The following SNTG1 variants were observed in gnomAD, a reference collection of about 807,000 sequenced individuals.
SNTG1 encodes the protein gamma-1-syntrophin.
Under a neutral mutation model 74.7 loss-of-function variants are expected in SNTG1, and 39 were observed. The observed-to-expected ratio is 0.52, with a 90% CI of 0.40 to 0.68. The LOEUF (loss-of-function observed/expected upper bound fraction) is 0.68. Among genes scored for constraint, SNTG1 ranks in the 30% least tolerant of loss-of-function variants. The pLI is 0.00. For synonymous variants in SNTG1, 254 were observed against 217.1 expected (o/e 1.17, Z -1.49); for missense variants, 685 against 609.5 (o/e 1.12, Z -1.30).
At position 50,619,910 on chromosome 8, in the gene SNTG1, GA is replaced by G. The variant is rs779432001; in HGVS notation, c.849+29008del. Among the ~76,000 whole-genome samples the G allele has an allele frequency of 4.7e-3, 476 of 102,134 alleles. 2 individuals are homozygous for G. The highest frequency in any genetic ancestry group is 0.011 in the African/African-American group (315 of 28,582). The allele number at this position is 102,134 out of a possible 152,430, so 67.0% of individuals were successfully genotyped here. A position where few individuals can be genotyped will look rare whatever the true frequency, so the allele number is the denominator to read the frequency against. ...AGCCTCTCTTCCAGGCATGTCTGCA[GA>G]AAAAAAAAAAAAAAGCAAGCATGAT... On this transcript the variant is annotated intron_variant, in intron 13 of 18. Transcript: ENST00000642720.
chr8:50,370,566 T>G (rs1217607069), intron 2 of SNTG1, among the ~76,000 whole-genome samples: 1 of 149,434 alleles, frequency 6.7e-6, no homozygotes, highest in Non-Finnish European at 1.5e-5. Context: ...CCTGCAATGA[T>G]AGTAGTCTCC....
At chr8:49,916,901 T>C (rs1585488241) in intron 1 of SNTG1, among the ~76,000 whole-genome samples, 1 of 151,980 alleles carries the variant, frequency 6.6e-6, no homozygotes, top group Non-Finnish European at 1.5e-5. Context: ...TGAATGTGCC[T>C]GTAGTCTCAG....
intron 1 of SNTG1, among the ~76,000 whole-genome samples, chr8:50,131,889 A>T (rs2081331065): frequency 6.6e-6 from 1 of 152,060 alleles, no homozygotes; most frequent in Admixed American, 6.6e-5. Context: ...CCATTCAAAC[A>T]TATGAGATGA....
In SNTG1 at chr8:50,295,993, G is replaced by T. The variant is rs570229162; in HGVS notation, c.-27-98219G>T. Among the ~76,000 whole-genome samples, 3 of 152,282 alleles carry T rather than the reference G, an allele frequency of 2.0e-5. No individual in the cohort carries two copies. In the East Asian group the frequency reaches 5.8e-4, roughly 29 times the overall value. ...GAGTGTGTGCATAGCTCATTAATGT[G>T]ATGCTAGGCTGGGACTCTATGTTAA... On this transcript the variant is annotated intron_variant, in intron 2 of 18. Transcript: ENST00000642720.
chr8:50,037,015 T>G (rs1026048143), intron 1 of SNTG1, among the ~76,000 whole-genome samples: 2 of 152,222 alleles, frequency 1.3e-5, no homozygotes, highest in Admixed American at 6.5e-5. Context: ...TATTTAATGC[T>G]TCTTCATTTA....
intron 1 of SNTG1, among the ~76,000 whole-genome samples, chr8:50,020,208 C>G (rs1205306951): frequency 2.0e-5 from 3 of 152,126 alleles, no homozygotes; most frequent in Non-Finnish European, 2.9e-5. Flanking sequence ...TCTTCCCCTC[C>G]TCCTCTTTTA....
At chr8:50,170,640 C>T (rs12542067) in intron 1 of SNTG1, among the ~76,000 whole-genome samples, 65,865 of 151,958 alleles carry the variant, frequency 0.43, 17,995 homozygotes, top group African/African-American at 0.79. Context: ...GTTTCCATAG[C>T]CAGAAGTGCA....
chr8:50,442,131 A>G (rs2093363350), intron 5 of SNTG1, among the ~76,000 whole-genome samples: 1 of 152,214 alleles, frequency 6.6e-6, no homozygotes, highest in South Asian at 2.1e-4. Flanking sequence ...CCCAGTTTTG[A>G]TGAACTATTT....
intron 1 of SNTG1, among the ~76,000 whole-genome samples, chr8:50,127,087 T>A (rs901293927): frequency 1.3e-5 from 2 of 151,976 alleles, no homozygotes; most frequent in African/African-American, 2.4e-5. Flanking sequence ...AAATGTTAGG[T>A]ATAATATCAG....
chr8:50,713,319 C>A (rs751584774), intron 17 of SNTG1, among the ~76,000 whole-genome samples: 4 of 152,124 alleles, frequency 2.6e-5, no homozygotes, highest in Non-Finnish European at 5.9e-5. Flanking sequence ...AGTGTCTGTT[C>A]ATATCCTTCA....
intron 2 of SNTG1, among the ~76,000 whole-genome samples, chr8:50,268,914 C>A (rs1282631929): frequency 6.6e-6 from 1 of 152,122 alleles, no homozygotes; most frequent in Non-Finnish European, 1.5e-5. Context: ...CTGCCTCGGC[C>A]TCCTAAAGTG....
intron 1 of SNTG1, among the ~76,000 whole-genome samples, chr8:50,024,347 T>C (rs1352758072): frequency 6.6e-6 from 1 of 152,130 alleles, no homozygotes; most frequent in African/African-American, 2.4e-5. Context: ...CAAAAAGGAA[T>C]AATTATATAA....
intron 1 of SNTG1, among the ~76,000 whole-genome samples, chr8:49,982,328 CTT>C (rs1220612130): frequency 2.6e-5 from 4 of 152,014 alleles, no homozygotes; most frequent in Non-Finnish European, 5.9e-5. Context: ...GTTCAGGTGA[CTT>C]TGACTTCTTC....
chr8:50,297,451 T>A (rs1333019173), intron 2 of SNTG1, among the ~76,000 whole-genome samples: 1 of 152,024 alleles, frequency 6.6e-6, no homozygotes, highest in Non-Finnish European at 1.5e-5. Context: ...AGTCAAGAAG[T>A]CACAACTTTT....
At chr8:49,929,092 GA>G (rs1488895139) in intron 1 of SNTG1, among the ~76,000 whole-genome samples, 1 of 151,880 alleles carries the variant, frequency 6.6e-6, no homozygotes, top group Non-Finnish European at 1.5e-5. Context: ...AGGACATCAA[GA>G]AAAAGGGAGG....
intron 18 of SNTG1, among the ~76,000 whole-genome samples, chr8:50,780,392 G>A (rs983612963): frequency 1.3e-5 from 2 of 152,120 alleles, no homozygotes; most frequent in African/African-American, 4.8e-5. Flanking sequence ...CCTATTACTG[G>A]TCTATTCAGA....
chr8:50,243,168 C>A (rs1244171944), intron 2 of SNTG1, among the ~76,000 whole-genome samples: 2 of 26,022 alleles, frequency 7.7e-5, no homozygotes, highest in Non-Finnish European at 7.4e-4. Context: ...ATAAATGAGT[C>A]CTGAATTATC....
intron 1 of SNTG1, among the ~76,000 whole-genome samples, chr8:49,952,704 T>C (rs1186866857): frequency 1.3e-5 from 2 of 152,238 alleles, no homozygotes; most frequent in African/African-American, 2.4e-5. Flanking sequence ...ACCAGTGGAC[T>C]AGGCCACACA....
At chr8:50,782,324 C>T (rs1031068529) in intron 18 of SNTG1, among the ~76,000 whole-genome samples, 7 of 152,312 alleles carry the variant, frequency 4.6e-5, no homozygotes, top group Middle Eastern at 3.4e-3. Context: ...CCATTCTCCC[C>T]GTCACTTTCA....
Sources: allele counts gnomAD v4.1 joint callset (sites outside exome capture counted in the v4.1 genomes callset), GRCh38; gene constraint gnomAD v4.1.1; transcripts MANE v1.5; gene names NCBI Gene and HGNC (gene_info 2026-07-23, HGNC 2026-07-21).